COL4A3: variants seen among roughly 807,000 people sequenced by gnomAD.
COL4A3 encodes the protein collagen alpha-3(IV) chain.
A neutral mutation model predicts 217.4 loss-of-function variants in COL4A3; 135 were observed. That is an observed-to-expected ratio of 0.62 (90% CI 0.54 to 0.72). The LOEUF (loss-of-function observed/expected upper bound fraction) is 0.72, where lower values mean the gene tolerates loss of function less well. COL4A3 is among the 30% of genes least tolerant of loss of function. The pLI is 0.00. For synonymous variants in COL4A3, 690 were observed against 736.3 expected (o/e 0.94, Z 1.02); for missense variants, 1,868 against 2,119.9 (o/e 0.88, Z 2.33).
At chr2:227,242,499 C>T (rs150685095) in intron 3 of COL4A3, among the ~76,000 whole-genome samples, 65 of 152,266 alleles carry the variant, frequency 4.3e-4, no homozygotes, top group African/African-American at 1.3e-3. Flanking sequence ...TCTCCAGCTC[C>T]GCTTTCCTCA....
intron 24 of COL4A3, 138 bp downstream of exon 24, chr2:227,270,118 A>ATT: frequency 2.9e-6 from 2 of 690,950 alleles, no homozygotes; most frequent in Non-Finnish European, 2.6e-6. Flanking sequence ...TAAATGAATA[A>ATT]ATCTGTGACT....
intron 1 of COL4A3, among the ~76,000 whole-genome samples, chr2:227,204,631 C>T (rs2067030796): frequency 6.6e-6 from 1 of 152,150 alleles, no homozygotes; most frequent in Non-Finnish European, 1.5e-5. Context: ...TAGCTTAATC[C>T]TATTAGCCAA....
intron 1 of COL4A3, among the ~76,000 whole-genome samples, chr2:227,209,343 GT>G (rs1183106293): frequency 6.6e-6 from 1 of 152,208 alleles, no homozygotes; most frequent in Non-Finnish European, 1.5e-5. Context: ...GACTGGCCCA[GT>G]GGCCTTAGGT....
chr2:227,245,307 T>TA lies in COL4A3; in HGVS notation c.324+321dup, dbSNP rs11400067. Among the ~76,000 whole-genome samples the TA allele has an allele frequency of 0.61, 92,377 of 150,628 alleles. 29,142 individuals are homozygous for TA. Among genetic ancestry groups the TA allele is most frequent in the East Asian group, 0.82 (4,179 of 5,126 alleles). ...CAACCAACTGTAGATCAAAAATATT[T>TA]AAAAAAAAACAATAAAAATTGTACA... is the stretch of plus-strand genomic sequence containing the variant. On this transcript the variant is annotated intron_variant, in intron 5 of 51. Transcript: ENST00000396578.
intron 1 of COL4A3, among the ~76,000 whole-genome samples, chr2:227,227,566 T>C (rs2068167395): frequency 6.6e-6 from 1 of 151,998 alleles, no homozygotes; most frequent in African/African-American, 2.4e-5. Flanking sequence ...ACACTGCACC[T>C]GAGAATATGA....
At position 227,247,552 on chromosome 2, in the gene COL4A3, T is replaced by G; in HGVS notation, c.442-6T>G. ...TCTAGTTGTTCATAGGTTGCTTTTT[T>G]CCTAGGGTGCTGCTGGTTTGAAAGG... On this transcript the variant is annotated splice_polypyrimidine_tract_variant and splice_region_variant and intron_variant, in intron 7 of 51. Coordinates refer to ENST00000396578, the MANE Select transcript of COL4A3 (RefSeq NM_000091.5). The G allele has an allele frequency of 6.2e-7, 1 of 1,614,116 alleles. No homozygotes were observed. The highest frequency in any genetic ancestry group is 2.2e-5 in the East Asian group (1 of 44,884).
At chr2:227,192,045 G>T (rs1181019903) in intron 1 of COL4A3, among the ~76,000 whole-genome samples, 5 of 152,142 alleles carry the variant, frequency 3.3e-5, no homozygotes. Context: ...GGAAGAATTT[G>T]CTCTAAATTC....
intron 24 of COL4A3, among the ~76,000 whole-genome samples, chr2:227,270,234 T>G (rs2071158690): frequency 6.6e-6 from 1 of 152,226 alleles, no homozygotes; most frequent in African/African-American, 2.4e-5. Flanking sequence ...AGAGGTTCAT[T>G]GCAAATAGGT....
chr2:227,197,199 TTTTTG>T (rs558116162), intron 1 of COL4A3, among the ~76,000 whole-genome samples: 6 of 151,976 alleles, frequency 3.9e-5, no homozygotes, highest in Non-Finnish European at 7.3e-5. Context: ...GGGTACGGTT[TTTTTG>T]TTTTGTTTTG....
At chr2:227,288,025 C>G (rs1246041859) in intron 34 of COL4A3, among the ~76,000 whole-genome samples, 1 of 152,206 alleles carries the variant, frequency 6.6e-6, no homozygotes, top group Non-Finnish European at 1.5e-5. Context: ...AGGCTATAGA[C>G]AGATTGCAGA....
At chr2:227,171,762 G>T (rs1010300809) in intron 1 of COL4A3, among the ~76,000 whole-genome samples, 8 of 152,324 alleles carry the variant, frequency 5.3e-5, no homozygotes, top group Middle Eastern at 3.4e-3. Context: ...AGAGACCAAG[G>T]CAAGTTTTAG....
chr2:227,297,209 T>A (rs2073066304), intron 41 of COL4A3, among the ~76,000 whole-genome samples: 3 of 152,242 alleles, frequency 2.0e-5, no homozygotes, highest in Non-Finnish European at 2.9e-5. Context: ...ACATCAGTGC[T>A]ACGCAGTTTA....
intron 1 of COL4A3, among the ~76,000 whole-genome samples, chr2:227,203,098 T>C (rs184515411): frequency 7.0e-5 from 4 of 57,478 alleles, no homozygotes; most frequent in South Asian, 5.9e-4. Flanking sequence ...TATGTGTATA[T>C]ATACATATAT....
At chr2:227,245,022 A>G (rs765005806) in intron 5 of COL4A3, 27 bp downstream of exon 5, 2 of 1,604,658 alleles carry the variant, frequency 1.2e-6, no homozygotes, top group East Asian at 2.2e-5. Flanking sequence ...ATCCGTAGCT[A>G]GAAAATTTAA....
Position 227,270,934 on chromosome 2 carries a change from A to G in COL4A3, c.1740A>G (p.Pro580=). 1 of 1,614,182 alleles carries G rather than the reference A, an allele frequency of 6.2e-7. No homozygotes were observed. Among genetic ancestry groups the G allele is most frequent in the East Asian group, 2.2e-5 (1 of 44,882 alleles). The part of the protein sequence containing the change: ...IPGTPGVKGL[P]GPKGELALSG... ...GAACTCCGGGAGTGAAAGGATTACC[A>G]GGACCTAAAGGCGAACTGGTTGGTA... The change falls in exon 25 of 52, where the codon CCA becomes CCG. Residue 580 remains proline (P), a synonymous_variant. Coordinates refer to ENST00000396578, the MANE Select transcript of COL4A3 (RefSeq NM_000091.5).
In COL4A3 at chr2:227,303,081, C is replaced by T. The variant is rs775393699; in HGVS notation, c.3926C>T (p.Pro1309Leu). The T allele has an allele frequency of 3.1e-6, 5 of 1,613,908 alleles. No individual in the cohort carries two copies. Among genetic ancestry groups the T allele is most frequent in the Non-Finnish European group, 4.2e-6 (5 of 1,179,954 alleles). Residue 1309 changes from proline (P) to leucine (L), a missense_variant, in exon 44 of 52, where the codon CCT (proline) becomes CTT (leucine). Physicochemically the swap from Pro to Leu is moderately conservative, Grantham distance 98. Coordinates refer to ENST00000396578, the MANE Select transcript of COL4A3 (RefSeq NM_000091.5). ...GGTCTTCCAGGACCCAGAGGTGATC[C>T]TGGATTCCAGGGGTTTCCAGGCGTG... ...TPGLPGPRGD[P>L]GFQGFPGVKG...
intron 1 of COL4A3, among the ~76,000 whole-genome samples, chr2:227,236,189 T>C (rs2068687801): frequency 1.3e-5 from 2 of 152,260 alleles, no homozygotes; most frequent in Non-Finnish European, 2.9e-5. Context: ...CAATTGCGAA[T>C]AGTCCTGTTA....
chr2:227,300,502 C>A (rs1201421643), intron 43 of COL4A3, among the ~76,000 whole-genome samples: 2 of 152,212 alleles, frequency 1.3e-5, no homozygotes, highest in African/African-American at 4.8e-5. Context: ...AACACCACAG[C>A]CGTCGTCCCT....
At chr2:227,202,916 CATATATGT>C (rs2066795734) in intron 1 of COL4A3, among the ~76,000 whole-genome samples, 1 of 16,038 alleles carries the variant, frequency 6.2e-5, no homozygotes, top group Admixed American at 8.7e-4. Flanking sequence ...TGTATATATA[CATATATGT>C]GTATATATGT....
Sources: gnomAD v4.1 joint callset for allele counts (sites outside exome capture counted in the v4.1 genomes callset) on GRCh38, gnomAD v4.1.1 for gene constraint, MANE v1.5 for transcripts, NCBI Gene and HGNC (gene_info 2026-07-23, HGNC 2026-07-21) for gene names.